The following ATG101 variants were observed in gnomAD, a reference collection of about 807,000 sequenced individuals.
The protein encoded by ATG101 is autophagy-related protein 101.
Under a neutral mutation model 16.7 loss-of-function variants are expected in ATG101, and 6 were observed. The observed-to-expected ratio is 0.36, with a 90% CI of 0.20 to 0.71. The LOEUF (loss-of-function observed/expected upper bound fraction) is 0.71. Ranked by LOEUF, ATG101 falls within the 30% of genes least tolerant of loss-of-function variation. ATG101 has a pLI of 0.57. For missense variants in ATG101, 200 were observed against 292.5 expected, an observed-to-expected ratio of 0.68 and a Z score of 2.31; for synonymous variants, 108 against 118.1, an observed-to-expected ratio of 0.91 and a Z score of 0.56.
rs751591793 is a variant in ATG101 at position 52,073,661 on chromosome 12, G to C, written c.11G>C (p.Arg4Pro). The change falls in exon 3 of 4, where the codon CGC becomes CCC. Residue 4 changes from arginine (R) to proline (P), a missense_variant. Physicochemically the swap from Arg to Pro is moderately radical, Grantham distance 103. Coordinates refer to ENST00000336854, the MANE Select transcript of ATG101 (RefSeq NM_021934.5). MNC[R>P]SEVLEVSVEG... ...GTTACTGGGTGCAGGATGAACTGTC[G>C]CTCGGAGGTGCTGGAGGTGTCGGTG... 1 of 1,613,172 alleles carries C rather than the reference G, an allele frequency of 6.2e-7. No homozygotes were observed.
chr12:52,068,990 C>CAAAA (rs869030833), upstream of ATG101, among the ~76,000 whole-genome samples: 160 of 33,512 alleles, frequency 4.8e-3, 17 homozygotes, highest in African/African-American at 0.015. Flanking sequence ...GACGCCGTCT[C>CAAAA]AAAAAAAAAA....
Position 52,076,845 on chromosome 12 carries a change from G to A in ATG101, c.312G>A (p.Gln104=). 6.2e-7 allele frequency: 1 copy of A among 1,614,192 alleles called. No homozygotes were observed. Among genetic ancestry groups the A allele is most frequent in the Non-Finnish European group, 8.5e-7 (1 of 1,180,020 alleles). ...GGCAGATGTCCTTGGAGTTCTACCA[G>A]AAGAAGAAGTCTCGCTGGCCATTCT... ...GLGQMSLEFY[Q]KKKSRWPFSD... The change falls in exon 4 of 4, where the codon CAG becomes CAA. Residue 104 remains glutamine (Q), a synonymous_variant. Transcript: ENST00000336854.
At chr12:52,065,582 A>T (rs1485736075), upstream of ATG101, among the ~76,000 whole-genome samples, 1 of 152,178 alleles carries the variant, frequency 6.6e-6, no homozygotes, top group African/African-American at 2.4e-5. Context: ...CCCTGTAAGA[A>T]TTCAGGGAGG....
Position 52,073,590 on chromosome 12 carries a change from G to C in ATG101, c.-61G>C, listed in dbSNP as rs1192862882. 4.4e-6 allele frequency: 7 copies of C among 1,574,772 alleles called. No homozygotes were observed. The highest frequency in any genetic ancestry group is 6.0e-6 in the Non-Finnish European group (7 of 1,157,270). On this transcript the variant is annotated 5_prime_UTR_variant, in exon 3 of 4. Coordinates refer to ENST00000336854, the MANE Select transcript of ATG101 (RefSeq NM_021934.5). ...CCTTTTGCAGGGTGGCCCTTGGGTA[G>C]GGTGAAGATCCCCTGTCTTTATCCT...
intron 3 of ATG101, 73 bp downstream of exon 3, chr12:52,073,975 C>T (rs1383536547): frequency 1.9e-6 from 3 of 1,572,380 alleles, no homozygotes; most frequent in Non-Finnish European, 2.6e-6. Context: ...TGCTCCTCCA[C>T]TCCAGCTTGG....
upstream of ATG101, among the ~76,000 whole-genome samples, chr12:52,068,712 C>T (rs1209562422): frequency 6.6e-6 from 1 of 151,916 alleles, no homozygotes; most frequent in Non-Finnish European, 1.5e-5. Context: ...CCTGGCCGGT[C>T]GCGGTGGCTC....
upstream of ATG101, chr12:52,069,289 A>G (rs1939599114): frequency 6.6e-6 from 1 of 152,282 alleles, no homozygotes; most frequent in African/African-American, 2.4e-5. Context: ...TGGCCGAATT[A>G]CTAGCCTCCG....
chr12:52,067,558 CACTT>C (rs1406939194), upstream of ATG101, among the ~76,000 whole-genome samples: 1 of 151,990 alleles, frequency 6.6e-6, no homozygotes, highest in Non-Finnish European at 1.5e-5. Flanking sequence ...GACCTTGGGC[CACTT>C]ACTTAACCTC....
At chr12:52,075,198 CATT>C (rs1283972404) in intron 3 of ATG101, among the ~76,000 whole-genome samples, 1 of 152,186 alleles carries the variant, frequency 6.6e-6, no homozygotes, top group African/African-American at 2.4e-5. Flanking sequence ...AGCTGTCTCT[CATT>C]GTCCCGCCAA....
intron 3 of ATG101, among the ~76,000 whole-genome samples, chr12:52,075,515 G>A (rs1939718249): frequency 1.3e-5 from 2 of 152,218 alleles, no homozygotes; most frequent in South Asian, 4.1e-4. Context: ...AGATGCATTA[G>A]CCATTCAAGG....
intron 2 of ATG101, among the ~76,000 whole-genome samples, chr12:52,071,587 C>T (rs1336619647): frequency 5.3e-5 from 8 of 152,096 alleles, no homozygotes; most frequent in South Asian, 2.1e-4. Flanking sequence ...GAGGCCGAGG[C>T]GGGTGGATCT....
Position 52,077,267 on chromosome 12 carries a change from G to A in ATG101, c.*77G>A. The A allele has an allele frequency of 6.6e-7, 1 of 1,504,652 alleles. No homozygotes were observed. The highest frequency in any genetic ancestry group is 9.0e-7 in the Non-Finnish European group (1 of 1,110,472). 93.2% of individuals were successfully genotyped at this position (1,504,652 alleles called of 1,614,324 possible). On this transcript the variant is annotated 3_prime_UTR_variant, in exon 4 of 4. Coordinates refer to ENST00000336854, the MANE Select transcript of ATG101 (RefSeq NM_021934.5). ...GGGAATTGCACTTTTGGGCCTTTGGGCTCTGGAACCTGCTCTGGGTCATTG... is the reference window on the plus strand; with the variant it reads ...GGGAATTGCACTTTTGGGCCTTTGGACTCTGGAACCTGCTCTGGGTCATTG...
chr12:52,072,630 T>TGA (rs540876447), intron 2 of ATG101, among the ~76,000 whole-genome samples: 1 of 152,180 alleles, frequency 6.6e-6, no homozygotes. Context: ...TGTGTGTGTG[T>TGA]GAGAGTCATG....
upstream of ATG101, among the ~76,000 whole-genome samples, chr12:52,068,729 G>A (rs1391737780): frequency 1.3e-5 from 2 of 152,006 alleles, no homozygotes; most frequent in African/African-American, 2.4e-5. Context: ...GCTCACGCCT[G>A]TAATCCCAGC....
At chr12:52,071,978 G>A (rs902584973) in intron 2 of ATG101, among the ~76,000 whole-genome samples, 2 of 152,158 alleles carry the variant, frequency 1.3e-5, no homozygotes, top group Admixed American at 6.5e-5. Flanking sequence ...TAGTTATTAT[G>A]TTCTAGTTCT....
upstream of ATG101, among the ~76,000 whole-genome samples, chr12:52,068,782 C>T (rs1472085062): frequency 6.6e-6 from 1 of 151,718 alleles, no homozygotes; most frequent in East Asian, 1.9e-4. Flanking sequence ...GTCAGGATAT[C>T]GAGACCATCC....
At chr12:52,068,075 TTC>T (rs199972545), upstream of ATG101, among the ~76,000 whole-genome samples, 3,814 of 151,626 alleles carry the variant, frequency 0.025, 69 homozygotes, top group South Asian at 0.076. Context: ...GAGACAGGGT[TTC>T]TCTCCGTTGC....
At position 52,077,482 on chromosome 12, in the gene ATG101, T is replaced by C. The variant is rs765429848; in HGVS notation, c.*292T>C. On this transcript the variant is annotated 3_prime_UTR_variant, in exon 4 of 4. Transcript: ENST00000336854. ...GGGATGGGGAATAAAGTTGAGAACA[T>C]GAGTTTGGGCTGAGCCATCTCTCCC... The C allele has an allele frequency of 8.9e-5, 35 of 394,176 alleles. No individual in the cohort carries two copies. The highest frequency in any genetic ancestry group is 1.3e-4 in the Non-Finnish European group (28 of 217,560). 24.4% of individuals were successfully genotyped at this position (394,176 alleles called of 1,614,324 possible).
chr12:52,068,823 A>T (rs1939581744), upstream of ATG101, among the ~76,000 whole-genome samples: 1 of 150,870 alleles, frequency 6.6e-6, no homozygotes, highest in Non-Finnish European at 1.5e-5. Flanking sequence ...CGTCTCTACT[A>T]AAAAAAATAC....
Sources: gnomAD v4.1 joint callset for allele counts (sites outside exome capture counted in the v4.1 genomes callset) on GRCh38, gnomAD v4.1.1 for gene constraint, MANE v1.5 for transcripts, NCBI Gene and HGNC (gene_info 2026-07-23, HGNC 2026-07-21) for gene names.